The following ETS1 variants were observed in gnomAD, a reference collection of about 807,000 sequenced individuals.
The protein encoded by ETS1 is protein C-ets-1.
ETS1 carries 15 observed loss-of-function variants against 58.6 expected under a neutral mutation model. That is an observed-to-expected ratio of 0.26 (90% CI 0.17 to 0.39). The LOEUF is 0.39. Among genes scored for constraint, ETS1 ranks in the 10% least tolerant of loss-of-function variants. The pLI, the probability that ETS1 is intolerant of heterozygous loss-of-function variation, is 1.00. For missense variants in ETS1, 417 were observed against 610.5 expected (o/e 0.68, Z 3.34); for synonymous variants, 214 against 218.2 (o/e 0.98, Z 0.17).
At chr11:128,566,639 T>C (rs1026000670) in intron 2 of ETS1, among the ~76,000 whole-genome samples, 10 of 151,960 alleles carry the variant, frequency 6.6e-5, no homozygotes, top group East Asian at 5.8e-4. Context: ...AAAAATTAGC[T>C]GGGCACGGTG....
chr11:128,518,215 T>G (rs981374329), intron 3 of ETS1, among the ~76,000 whole-genome samples: 5 of 152,208 alleles, frequency 3.3e-5, no homozygotes, highest in African/African-American at 1.2e-4. Context: ...GAATGAAGTT[T>G]CACGGGCATG....
At chr11:128,469,720 C>T (rs1490001724) in intron 8 of ETS1, among the ~76,000 whole-genome samples, 1 of 152,212 alleles carries the variant, frequency 6.6e-6, no homozygotes, top group African/African-American at 2.4e-5. Flanking sequence ...TATTGCTGGA[C>T]TGACTGGCAA....
chr11:128,499,990 TC>T (rs1476006204), intron 3 of ETS1, among the ~76,000 whole-genome samples: 1 of 152,138 alleles, frequency 6.6e-6, no homozygotes, highest in African/African-American at 2.4e-5. Context: ...GGCCTGCCTC[TC>T]CCTCCCACGC....
Position 128,463,249 on chromosome 11 carries a change from T to C in ETS1, c.1242+260A>G, listed in dbSNP as rs1365991926. Among the ~76,000 whole-genome samples the C allele has an allele frequency of 6.6e-6, 1 of 152,222 alleles. No homozygotes were observed. The highest frequency in any genetic ancestry group is 1.5e-5 in the Non-Finnish European group (1 of 68,030). ...AAGTCACAGGAGGCAGCTCTATGGG[T>C]GATAACTGACCTACTGCCAGGCACG... On this transcript the variant is annotated intron_variant, in intron 9 of 9. Coordinates refer to ENST00000392668, the MANE Select transcript of ETS1 (RefSeq NM_001143820.2). This position sits in a 1 kb window ranked among gnomAD's most constrained non-coding sequence, Gnocchi z 4.1.
chr11:128,549,086 C>G lies in ETS1; in HGVS notation c.214+7205G>C, dbSNP rs990194832. 6.6e-6 allele frequency among the ~76,000 whole-genome samples: 1 copy of G among 152,184 alleles called. No homozygotes were observed. Among genetic ancestry groups the G allele is most frequent in the African/African-American group, 2.4e-5 (1 of 41,440 alleles). On this transcript the variant is annotated intron_variant, in intron 3 of 9. Coordinates refer to ENST00000392668, the MANE Select transcript of ETS1 (RefSeq NM_001143820.2). The surrounding 1 kb of genome is among the most constrained non-coding windows in gnomAD (Gnocchi z 4.3). ...TCCAGCTGCAGGCTCCGGGCTGAGA[C>G]CCCTGGCTGCAGTGCAAGAAAGCAA...
rs1227678870 is a variant in ETS1 at position 128,562,880 on chromosome 11, T to C, written c.70-6445A>G. Among the ~76,000 whole-genome samples the C allele has an allele frequency of 2.0e-5, 3 of 151,856 alleles. No individual in the cohort carries two copies. In the East Asian group the frequency reaches 5.8e-4, roughly 29 times the overall value. On this transcript the variant is annotated intron_variant, in intron 2 of 9. Coordinates refer to ENST00000392668, the MANE Select transcript of ETS1 (RefSeq NM_001143820.2). ...ATCTCCCTGGAACTGCCTATTCACCTGTCCCCTCCAGCCAGCCACATCTTA... is the reference window on the plus strand; with the variant it reads ...ATCTCCCTGGAACTGCCTATTCACCCGTCCCCTCCAGCCAGCCACATCTTA...
At chr11:128,551,304 G>T (rs138616191) in intron 3 of ETS1, among the ~76,000 whole-genome samples, 3 of 152,198 alleles carry the variant, frequency 2.0e-5, no homozygotes, top group Non-Finnish European at 4.4e-5. Context: ...TTCCTGCTGA[G>T]ACATCCCACC....
chr11:128,560,424 T>A (rs1384637069), intron 2 of ETS1, among the ~76,000 whole-genome samples: 1 of 152,232 alleles, frequency 6.6e-6, no homozygotes, highest in Non-Finnish European at 1.5e-5. Context: ...AGATGGTCAC[T>A]TTTAATCCTC....
intron 8 of ETS1, 149 bp downstream of exon 8, chr11:128,480,042 G>T: frequency 9.7e-7 from 1 of 1,034,400 alleles, no homozygotes; most frequent in Non-Finnish European, 1.4e-6. Flanking sequence ...GCTGGAGAGA[G>T]ACTAAAGAAT....
chr11:128,502,526 G>T (rs912430785), intron 3 of ETS1, among the ~76,000 whole-genome samples: 1 of 152,140 alleles, frequency 6.6e-6, no homozygotes, highest in Non-Finnish European at 1.5e-5. Context: ...GCTTTTCCCT[G>T]GGAAAGTTCC....
chr11:128,571,950 A>C (rs1363070242), intron 2 of ETS1: 2 of 152,096 alleles, frequency 1.3e-5, no homozygotes, highest in African/African-American at 2.4e-5. Context: ...AGGCTGAGGC[A>C]GGAGAATCGC....
intron 3 of ETS1, 116 bp downstream of exon 3, chr11:128,556,175 T>C (rs1864309232): frequency 2.3e-6 from 2 of 881,718 alleles, no homozygotes; most frequent in Non-Finnish European, 3.4e-6. Context: ...TCAAGAACAA[T>C]AGCATCTGTA....
At chr11:128,559,915 T>C (rs1864377588) in intron 2 of ETS1, among the ~76,000 whole-genome samples, 3 of 152,210 alleles carry the variant, frequency 2.0e-5, no homozygotes, top group South Asian at 4.1e-4. Context: ...GGCCTCTTCA[T>C]TGGCATCTTC....
intron 5 of ETS1, 79 bp from the exon 6 acceptor site, chr11:128,486,225 G>T: frequency 1.2e-6 from 1 of 855,164 alleles, no homozygotes; most frequent in East Asian, 2.4e-5. Flanking sequence ...TGGATGCAAA[G>T]ACCACAATGA....
chr11:128,558,712 T>C (rs1864357121), intron 2 of ETS1, among the ~76,000 whole-genome samples: 1 of 142,932 alleles, frequency 7.0e-6, no homozygotes. Flanking sequence ...GAAAAGAAAA[T>C]GTTTCCTTAC....
Position 128,480,340 on chromosome 11 carries a change from G to A in ETS1, c.974C>T (p.Pro325Leu). The A allele has an allele frequency of 2.5e-6, 4 of 1,614,126 alleles. No individual in the cohort carries two copies. Among genetic ancestry groups the A allele is most frequent in the Non-Finnish European group, 3.4e-6 (4 of 1,180,028 alleles). Residue 325 changes from proline to leucine, a missense_variant, in exon 8 of 10, where the codon CCC becomes CTC. Physicochemically the swap from Pro to Leu is moderately conservative, Grantham distance 98. Transcript: ENST00000392668. The stretch of plus-strand genomic sequence containing the variant: ...CTCTGAGTCGAAGCTGTCATAGGAG[G>A]GAACACGCTGCAGGCTGTTGAAAGA... ...QSSFNSLQRV[P>L]SYDSFDSEDY...
At position 128,522,427 on chromosome 11, in the gene ETS1, T is replaced by A. The variant is rs564102496; in HGVS notation, c.215-31851A>T. 3.9e-4 allele frequency: 343 copies of A among 872,658 alleles called. 2 individuals are homozygous for A. The African/African-American group carries it at 5.9e-3, about 15-fold the overall frequency. The allele number at this position is 872,658 out of a possible 1,614,324, so 54.1% of individuals were successfully genotyped here. ...GCGCCCTGGGCCGGGCGATGTCCGC[T>A]TGGGGGAGCGAGGGGCGGGGCGTCG... On this transcript the variant is annotated intron_variant, in intron 3 of 9. Transcript: ENST00000392668.
At chr11:128,468,802 T>A (rs905370609) in intron 8 of ETS1, among the ~76,000 whole-genome samples, 13 of 152,176 alleles carry the variant, frequency 8.5e-5, no homozygotes, top group Non-Finnish European at 1.9e-4. Flanking sequence ...TTTCACTGCT[T>A]CAACCCAAAG....
rs573656396 is a variant in ETS1, at chr11:128,549,520, G to A, written c.214+6771C>T. Among the ~76,000 whole-genome samples the A allele has an allele frequency of 1.3e-5, 2 of 152,204 alleles. No homozygotes were observed. Among genetic ancestry groups the A allele is most frequent in the Non-Finnish European group, 2.9e-5 (2 of 68,024 alleles). ...AATATTTGTGGTTTGAAAAAGTTGA[G>A]AGAACGTTTTTTCTCTCCGCAGCCC... is the stretch of plus-strand genomic sequence containing the variant. On this transcript the variant is annotated intron_variant, in intron 3 of 9. Transcript: ENST00000392668. This position sits in a 1 kb window ranked among gnomAD's most constrained non-coding sequence, Gnocchi z 4.3.
Sources: gnomAD v4.1 joint callset for allele counts (sites outside exome capture counted in the v4.1 genomes callset) on GRCh38, gnomAD v4.1.1 for gene constraint, Gnocchi (gnomAD v3.1) non-coding constraint, MANE v1.5 for transcripts, NCBI Gene and HGNC (gene_info 2026-07-23, HGNC 2026-07-21) for gene names.